PALLD: variants seen among roughly 807,000 people sequenced by gnomAD.
PALLD encodes the protein palladin, cytoskeletal associated protein.
Under a neutral mutation model 123.5 loss-of-function variants are expected in PALLD, and 61 were observed. The observed-to-expected ratio is 0.49, with a 90% CI of 0.40 to 0.61. The LOEUF (loss-of-function observed/expected upper bound fraction) is 0.61, where lower values mean the gene tolerates loss of function less well. PALLD is among the 20% of genes least tolerant of loss of function. PALLD has a pLI of 0.00. For missense variants in PALLD, 1,273 were observed against 1,377.0 expected, an observed-to-expected ratio of 0.92 and a Z score of 1.20; for synonymous variants, 465 against 496.4, an observed-to-expected ratio of 0.94 and a Z score of 0.84.
chr4:168,670,578 A>G (rs1197994804), intron 3 of PALLD, among the ~76,000 whole-genome samples: 1 of 150,404 alleles, frequency 6.6e-6, no homozygotes, highest in African/African-American at 2.5e-5. Flanking sequence ...CTAAAAATAC[A>G]AAAAATTAGC....
chr4:168,884,944 T>C (rs1753130669), intron 10 of PALLD, among the ~76,000 whole-genome samples: 2 of 152,236 alleles, frequency 1.3e-5, no homozygotes, highest in African/African-American at 2.4e-5. Flanking sequence ...AGATACGAGC[T>C]GTTAATACCC....
chr4:168,686,422 G>A lies in PALLD; in HGVS notation c.1335+863G>A, dbSNP rs142745684. 5.9e-5 allele frequency among the ~76,000 whole-genome samples: 9 copies of A among 151,900 alleles called. No homozygotes were observed. In the South Asian group the frequency reaches 1.3e-3, roughly 21 times the overall value. ...CCCAGGTGTGTGATGTTCCCCTCCC[G>A]GTGTCCATGTGTTCTCATTGTTCAA... is the stretch of plus-strand genomic sequence containing the variant. On this transcript the variant is annotated intron_variant, in intron 6 of 21. Coordinates refer to ENST00000505667, the MANE Select transcript of PALLD (RefSeq NM_001166108.2).
At chr4:168,554,182 T>C (rs140346441) in intron 2 of PALLD, among the ~76,000 whole-genome samples, 1 of 152,330 alleles carries the variant, frequency 6.6e-6, no homozygotes, top group Non-Finnish European at 1.5e-5. Flanking sequence ...CCATTGTTTA[T>C]GAAATATTTG....
chr4:168,686,614 A>T (rs903933871), intron 6 of PALLD: 1 of 152,358 alleles, frequency 6.6e-6, no homozygotes, highest in Non-Finnish European at 1.5e-5. Context: ...ATTTAAAAAT[A>T]TGGAACGCTT....
At chr4:168,766,978 A>G (rs1440202928) in intron 10 of PALLD, among the ~76,000 whole-genome samples, 2 of 152,196 alleles carry the variant, frequency 1.3e-5, no homozygotes, top group Non-Finnish European at 2.9e-5. Flanking sequence ...TAGTATAAAC[A>G]TCTCAAGATA....
At chr4:168,588,429 A>C (rs1771063698) in intron 2 of PALLD, among the ~76,000 whole-genome samples, 1 of 151,732 alleles carries the variant, frequency 6.6e-6, no homozygotes, top group African/African-American at 2.4e-5. Flanking sequence ...TTTGAGACAG[A>C]GTCTCACTCT....
intron 10 of PALLD, among the ~76,000 whole-genome samples, chr4:168,805,559 C>G (rs72988930): frequency 1.3e-5 from 2 of 152,190 alleles, no homozygotes; most frequent in African/African-American, 4.8e-5. Flanking sequence ...GCATGCAGGG[C>G]TCTTGCACAA....
intron 10 of PALLD, among the ~76,000 whole-genome samples, chr4:168,855,380 C>T (rs2151000817): frequency 6.6e-6 from 1 of 152,288 alleles, no homozygotes; most frequent in East Asian, 1.9e-4. Context: ...TGAGCCACCT[C>T]GCCCAGCCTG....
intron 10 of PALLD, among the ~76,000 whole-genome samples, chr4:168,850,932 G>A (rs1408461128): frequency 6.6e-6 from 1 of 152,108 alleles, no homozygotes; most frequent in East Asian, 1.9e-4. Context: ...ATGTGTCTGC[G>A]AACCCTAGCT....
intron 17 of PALLD, among the ~76,000 whole-genome samples, chr4:168,917,750 T>C (rs1760492192): frequency 6.6e-6 from 1 of 152,172 alleles, no homozygotes; most frequent in Non-Finnish European, 1.5e-5. Flanking sequence ...GGATCATTAT[T>C]TATTTTTTAC....
chr4:168,815,343 A>C (rs1741752268), intron 10 of PALLD, among the ~76,000 whole-genome samples: 1 of 152,220 alleles, frequency 6.6e-6, no homozygotes, highest in African/African-American at 2.4e-5. Flanking sequence ...GTTTGAACCC[A>C]CAAGTCACTT....
At chr4:168,610,779 A>G (rs1580567442) in intron 2 of PALLD, among the ~76,000 whole-genome samples, 1 of 151,526 alleles carries the variant, frequency 6.6e-6, no homozygotes. Flanking sequence ...CCTCCCTCTC[A>G]CCTCCATGCA....
At chr4:168,775,367 G>T (rs750852924) in intron 10 of PALLD, among the ~76,000 whole-genome samples, 1 of 152,078 alleles carries the variant, frequency 6.6e-6, no homozygotes, top group African/African-American at 2.4e-5. Flanking sequence ...GCTTAAATCT[G>T]TTGCCCATTG....
chr4:168,618,540 C>T (rs1190091761), intron 2 of PALLD, among the ~76,000 whole-genome samples: 2 of 152,052 alleles, frequency 1.3e-5, no homozygotes, highest in East Asian at 3.9e-4. Context: ...AATTTTGTTA[C>T]ACACCCATCT....
chr4:168,657,853 C>T (rs74837204), intron 2 of PALLD, among the ~76,000 whole-genome samples: 9,196 of 152,234 alleles, frequency 0.06, 366 homozygotes, highest in Admixed American at 0.1. Context: ...CTTCCCAAAA[C>T]GTCACACCTG....
intron 14 of PALLD, among the ~76,000 whole-genome samples, chr4:168,902,737 A>C (rs181692295): frequency 6.6e-6 from 1 of 152,180 alleles, no homozygotes; most frequent in Non-Finnish European, 1.5e-5. Flanking sequence ...CCTTTGGACT[A>C]CTTAAAAATA....
chr4:168,785,501 G>A (rs924706208), intron 10 of PALLD, among the ~76,000 whole-genome samples: 3 of 152,016 alleles, frequency 2.0e-5, no homozygotes, highest in African/African-American at 7.2e-5. Flanking sequence ...CAATGCACTC[G>A]GAACTATAGT....
chr4:168,534,455 C>T (rs1174117648), intron 2 of PALLD, among the ~76,000 whole-genome samples: 1 of 152,136 alleles, frequency 6.6e-6, no homozygotes, highest in Non-Finnish European at 1.5e-5. Flanking sequence ...TAATATTTCC[C>T]ACAGAAGAAA....
intron 8 of PALLD, among the ~76,000 whole-genome samples, chr4:168,707,486 A>G (rs1454444628): frequency 6.6e-6 from 1 of 152,156 alleles, no homozygotes; most frequent in Non-Finnish European, 1.5e-5. Context: ...TCTTCCTCCT[A>G]CAGGTTAGCA....
Sources: gnomAD v4.1 joint callset for allele counts (sites outside exome capture counted in the v4.1 genomes callset) on GRCh38, gnomAD v4.1.1 for gene constraint, MANE v1.5 for transcripts, NCBI Gene and HGNC (gene_info 2026-07-23, HGNC 2026-07-21) for gene names.